UNC79: variants seen among roughly 807,000 people sequenced by gnomAD.
UNC79 encodes protein unc-79 homolog.
UNC79 carries 37 observed loss-of-function variants against 283.1 expected under a neutral mutation model. The ratio of observed to expected loss-of-function variants is 0.13; its 90% CI spans 0.10 to 0.17. UNC79 has a LOEUF of 0.17. Ranked by LOEUF, UNC79 falls within the 10% of genes least tolerant of loss-of-function variation. The pLI is 1.00. For missense variants in UNC79, 2,272 were observed against 3,211.1 expected (o/e 0.71, Z 7.07); for synonymous variants, 1,107 against 1,200.2 (o/e 0.92, Z 1.61).
rs570783327 is a variant in UNC79, at chr14:93,407,039, A to G, written c.-350-60632A>G. 7.1e-4 allele frequency among the ~76,000 whole-genome samples: 108 copies of G among 152,220 alleles called. 1 individual carries two copies. Among genetic ancestry groups the G allele is most frequent in the African/African-American group, 2.3e-3 (97 of 41,530 alleles). On this transcript the variant is annotated intron_variant, in intron 1 of 49. Coordinates refer to the UNC79 transcript ENST00000256339. ...TTGGTATTCCTTGGTTTGTAGCTGC[A>G]TCACTCCAATTTTTGCCTTCATCTT...
chr14:93,403,454 G>C (rs2055152831), intron 1 of UNC79, among the ~76,000 whole-genome samples: 2 of 152,202 alleles, frequency 1.3e-5, no homozygotes, highest in Non-Finnish European at 2.9e-5. Flanking sequence ...ATGGGAGGCA[G>C]GTTTGCCTGA....
chr14:93,581,140 A>G (rs2063772383), intron 19 of UNC79, among the ~76,000 whole-genome samples: 1 of 152,166 alleles, frequency 6.6e-6, no homozygotes, highest in African/African-American at 2.4e-5. Flanking sequence ...CTGGACAACC[A>G]GTATTTGTGT....
chr14:93,335,557 G>A (rs1258253277), intron 1 of UNC79, among the ~76,000 whole-genome samples: 1 of 152,162 alleles, frequency 6.6e-6, no homozygotes, highest in African/African-American at 2.4e-5. Flanking sequence ...AGATCTGGAT[G>A]GCCATATGAC....
intron 40 of UNC79, among the ~76,000 whole-genome samples, chr14:93,670,807 T>C (rs1376611836): frequency 1.3e-5 from 2 of 152,222 alleles, no homozygotes; most frequent in African/African-American, 4.8e-5. Flanking sequence ...TTCCTAATGC[T>C]ACCTAGGCTG....
At chr14:93,444,429 A>AT (rs757367848) in intron 1 of UNC79, among the ~76,000 whole-genome samples, 3 of 152,148 alleles carry the variant, frequency 2.0e-5, no homozygotes, top group Non-Finnish European at 4.4e-5. Flanking sequence ...AGACTTTTAA[A>AT]TTATACAGCC....
chr14:93,582,289 T>G, exon 20 of UNC79: 1 of 1,614,166 alleles, frequency 6.2e-7, no homozygotes, highest in Non-Finnish European at 8.5e-7. Context: ...AGGAGAATCC[T>G]GCAAGCAAGC....
At chr14:93,427,752 A>G (rs976277692), upstream of UNC79, among the ~76,000 whole-genome samples, 1 of 152,084 alleles carries the variant, frequency 6.6e-6, no homozygotes, top group African/African-American at 2.4e-5. Context: ...TGCTGAACAA[A>G]TAAATAAATA....
chr14:93,678,506 A>G (rs1272898819), intron 41 of UNC79, among the ~76,000 whole-genome samples: 1 of 152,226 alleles, frequency 6.6e-6, no homozygotes, highest in African/African-American at 2.4e-5. Context: ...GATAGACCAT[A>G]CCTTTGTGTT....
intron 1 of UNC79, among the ~76,000 whole-genome samples, chr14:93,446,071 G>T (rs1348012297): frequency 6.6e-6 from 1 of 151,868 alleles, no homozygotes; most frequent in Non-Finnish European, 1.5e-5. Flanking sequence ...CCAACTTTTG[G>T]TTTCAATGAT....
intron 1 of UNC79, among the ~76,000 whole-genome samples, chr14:93,448,516 T>G (rs1026034095): frequency 2.0e-5 from 3 of 152,226 alleles, no homozygotes; most frequent in Non-Finnish European, 2.9e-5. Context: ...AGGATCAGAA[T>G]ATACTGACTT....
intron 1 of UNC79, among the ~76,000 whole-genome samples, chr14:93,342,353 CATGGCTGGAGCTGGA>C (rs1174888195): frequency 1.3e-5 from 2 of 152,180 alleles, no homozygotes; most frequent in Admixed American, 6.5e-5. Context: ...CCTTTTTAGC[CATGGCTGGAGCTGGA>C]GTGGCTGGGA....
intron 7 of UNC79, among the ~76,000 whole-genome samples, chr14:93,515,980 A>T (rs199538790): frequency 6.6e-6 from 1 of 151,958 alleles, no homozygotes; most frequent in African/African-American, 2.4e-5. Flanking sequence ...AAGATTTTAC[A>T]TCTAAGTATA....
intron 14 of UNC79, among the ~76,000 whole-genome samples, chr14:93,566,396 A>G (rs1243078497): frequency 1.3e-5 from 2 of 152,278 alleles, no homozygotes; most frequent in East Asian, 1.9e-4. Flanking sequence ...GGATTGTTTT[A>G]TTAGGCAAAG....
intron 5 of UNC79, 111 bp downstream of exon 5, chr14:93,487,866 G>A: frequency 1.0e-6 from 1 of 975,286 alleles, no homozygotes; most frequent in Non-Finnish European, 1.5e-6. Flanking sequence ...ATAGAGATGT[G>A]TAGAAAACAG....
At chr14:93,515,886 T>TC (rs2060030315) in intron 7 of UNC79, among the ~76,000 whole-genome samples, 1 of 134,984 alleles carries the variant, frequency 7.4e-6, no homozygotes, top group African/African-American at 2.6e-5. Flanking sequence ...TTGAAATTTA[T>TC]CTTTTTTTTT....
At position 93,417,146 on chromosome 14, in the gene UNC79, G is replaced by T. The variant is rs2055479998; in HGVS notation, c.-350-50525G>T. On this transcript the variant is annotated intron_variant, in intron 1 of 49. Transcript: ENST00000256339. ...GGTCTTTACAATTTGGCATGATTTT[G>T]CAGTGGCTGGTACCGGTTGTTCCTT... Among the ~76,000 whole-genome samples, 3 of 152,222 alleles carry T rather than the reference G, an allele frequency of 2.0e-5. No individual in the cohort carries two copies. In the South Asian group the frequency reaches 6.2e-4, roughly 32 times the overall value.
intron 14 of UNC79, among the ~76,000 whole-genome samples, 161 bp from the exon 15 acceptor site, chr14:93,571,733 G>A (rs776700392): frequency 6.6e-6 from 1 of 152,186 alleles, no homozygotes; most frequent in African/African-American, 2.4e-5. Flanking sequence ...CTGGTGGTTT[G>A]CCGTCTTACG....
chr14:93,579,637 C>T (rs2063670610), intron 18 of UNC79, among the ~76,000 whole-genome samples: 1 of 152,174 alleles, frequency 6.6e-6, no homozygotes, highest in Non-Finnish European at 1.5e-5. Flanking sequence ...AAGCTGGCTC[C>T]TGTGTTCTTT....
Position 93,347,299 on chromosome 14 carries a change from C to T in UNC79, c.-351+13776C>T, listed in dbSNP as rs776807841. Reference sequence around the variant, plus strand: ...TCTCCTGCGTGGGCGCTGTCCTGCCCGCCGCCACTACCGCCGCTTGGCCCT... The same window carrying T: ...TCTCCTGCGTGGGCGCTGTCCTGCCTGCCGCCACTACCGCCGCTTGGCCCT... On this transcript the variant is annotated intron_variant, in intron 1 of 49. Coordinates refer to the UNC79 transcript ENST00000256339. 44 of 1,605,728 alleles carry T rather than the reference C, an allele frequency of 2.7e-5. 1 individual carries two copies. The highest frequency in any genetic ancestry group is 2.1e-4 in the South Asian group (19 of 90,750).
Sources: gnomAD v4.1 joint callset for allele counts (sites outside exome capture counted in the v4.1 genomes callset) on GRCh38, gnomAD v4.1.1 for gene constraint, MANE v1.5 for transcripts, NCBI Gene and HGNC (gene_info 2026-07-23, HGNC 2026-07-21) for gene names.